The following ZNF438 variants were observed in gnomAD, a reference collection of about 807,000 sequenced individuals.
ZNF438 encodes the protein zinc finger protein 438.
ZNF438 carries 25 observed loss-of-function variants against 38.0 expected under a neutral mutation model. The observed-to-expected ratio is 0.66, with a 90% confidence interval of 0.48 to 0.92. The LOEUF (loss-of-function observed/expected upper bound fraction) is 0.92, where lower values mean the gene tolerates loss of function less well. Among genes scored for constraint, ZNF438 ranks in the 40% least tolerant of loss-of-function variants. The pLI is 0.00. For missense variants in ZNF438, 1,007 were observed against 999.6 expected (o/e 1.01, Z -0.10); for synonymous variants, 372 against 364.1 (o/e 1.02, Z -0.25).
intron 1 of ZNF438, among the ~76,000 whole-genome samples, chr10:30,998,265 G>C (rs1342739539): frequency 1.3e-5 from 2 of 151,998 alleles, no homozygotes; most frequent in African/African-American, 4.8e-5. Context: ...TATTGGCTGG[G>C]CGCAGTGGCT....
intron 1 of ZNF438, among the ~76,000 whole-genome samples, chr10:30,987,228 G>C (rs2052918996): frequency 6.6e-6 from 1 of 151,740 alleles, no homozygotes; most frequent in Admixed American, 6.6e-5. Flanking sequence ...GACGAGATGG[G>C]AGGATTGCTT....
At chr10:30,925,012 C>T (rs553856740) in intron 2 of ZNF438, among the ~76,000 whole-genome samples, 53 of 152,216 alleles carry the variant, frequency 3.5e-4, no homozygotes, top group African/African-American at 9.4e-4. Context: ...TCTATAGAAA[C>T]GCAATTGGGT....
rs933581203 is a variant in ZNF438 at position 30,887,441 on chromosome 10, C to T, written c.-31-10376G>A. On this transcript the variant is annotated intron_variant, in intron 3 of 5. Coordinates refer to ENST00000413025, the Ensembl canonical transcript of ZNF438. ...AGGCTGGAGTGCAGTGGTGAGGTCT[C>T]GGCTCACTGTACTCCAGCCCAGATT... 5.9e-5 allele frequency among the ~76,000 whole-genome samples: 9 copies of T among 151,954 alleles called. No homozygotes were observed. In the East Asian group the frequency reaches 9.7e-4, roughly 16 times the overall value.
intron 1 of ZNF438, among the ~76,000 whole-genome samples, chr10:30,977,308 C>T (rs761971926): frequency 6.6e-6 from 1 of 152,130 alleles, no homozygotes; most frequent in Non-Finnish European, 1.5e-5. Flanking sequence ...AAACTTTCTG[C>T]CATAACAAAG....
intron 1 of ZNF438, among the ~76,000 whole-genome samples, chr10:30,961,812 C>T (rs1367220920): frequency 2.1e-5 from 3 of 142,468 alleles, no homozygotes; most frequent in East Asian, 2.0e-4. Flanking sequence ...CGCTTGAACC[C>T]GGGAGGTGGA....
chr10:30,864,193 T>G (rs768869063), intron 4 of ZNF438, among the ~76,000 whole-genome samples: 2 of 152,196 alleles, frequency 1.3e-5, no homozygotes, highest in Non-Finnish European at 2.9e-5. Flanking sequence ...TATAAAAACC[T>G]TTTCTGTGAT....
At chr10:30,988,080 T>C (rs560577162) in intron 1 of ZNF438, among the ~76,000 whole-genome samples, 1 of 152,300 alleles carries the variant, frequency 6.6e-6, no homozygotes, top group South Asian at 2.1e-4. Context: ...ATTTGACAAG[T>C]TTGTCATAAA....
intron 1 of ZNF438, among the ~76,000 whole-genome samples, chr10:31,023,396 A>G (rs985180634): frequency 8.5e-5 from 13 of 152,228 alleles, no homozygotes; most frequent in Non-Finnish European, 1.5e-4. Flanking sequence ...AAGCATTAAT[A>G]TATTTCCACA....
At chr10:30,948,278 G>A (rs1047202188) in intron 1 of ZNF438, among the ~76,000 whole-genome samples, 9 of 152,096 alleles carry the variant, frequency 5.9e-5, no homozygotes, top group Non-Finnish European at 1.0e-4. Flanking sequence ...ACCAAAAGTA[G>A]ATAAAACCAC....
chr10:30,999,067 T>C (rs2054374121), intron 1 of ZNF438, among the ~76,000 whole-genome samples: 2 of 152,060 alleles, frequency 1.3e-5, no homozygotes, highest in Admixed American at 1.3e-4. Flanking sequence ...AACACTAGAA[T>C]TGTGCTCTTA....
At chr10:30,852,930 A>C (rs1408092754) in intron 4 of ZNF438, among the ~76,000 whole-genome samples, 3 of 152,018 alleles carry the variant, frequency 2.0e-5, no homozygotes, top group African/African-American at 7.2e-5. Flanking sequence ...ATAGCCTTTA[A>C]ATTTAAATGT....
intron 1 of ZNF438, among the ~76,000 whole-genome samples, chr10:30,987,949 T>C (rs1187516533): frequency 6.6e-6 from 1 of 152,210 alleles, no homozygotes; most frequent in African/African-American, 2.4e-5. Flanking sequence ...GCGAACTTAC[T>C]TTTTTACTTA....
At chr10:31,003,964 T>G (rs1810096531) in intron 1 of ZNF438, among the ~76,000 whole-genome samples, 1 of 152,158 alleles carries the variant, frequency 6.6e-6, no homozygotes, top group South Asian at 2.1e-4. Context: ...CACATTAAAT[T>G]TGCAATGCCT....
intron 1 of ZNF438, among the ~76,000 whole-genome samples, chr10:31,006,260 C>T (rs971328058): frequency 6.6e-6 from 1 of 152,084 alleles, no homozygotes; most frequent in African/African-American, 2.4e-5. Context: ...TTGGGACGTT[C>T]AGTGACACCC....
chr10:31,028,059 A>T (rs1376341982), intron 1 of ZNF438, among the ~76,000 whole-genome samples: 3 of 151,994 alleles, frequency 2.0e-5, no homozygotes, highest in Non-Finnish European at 4.4e-5. Flanking sequence ...TCTAGTCTCC[A>T]TGTTCTACAA....
intron 1 of ZNF438, among the ~76,000 whole-genome samples, chr10:31,004,629 G>A (rs1049821455): frequency 2.6e-5 from 4 of 152,276 alleles, no homozygotes; most frequent in South Asian, 4.1e-4. Context: ...GCTGCTGAGC[G>A]TATCATTAAA....
chr10:31,020,673 T>C (rs1186816404), intron 1 of ZNF438, among the ~76,000 whole-genome samples: 2 of 151,462 alleles, frequency 1.3e-5, no homozygotes, highest in East Asian at 3.9e-4. Flanking sequence ...AGTATAAATT[T>C]ATAAAGTTTA....
intron 1 of ZNF438, among the ~76,000 whole-genome samples, chr10:30,962,174 G>C (rs1020869163): frequency 6.8e-6 from 1 of 146,898 alleles, no homozygotes; most frequent in Non-Finnish European, 1.5e-5. Flanking sequence ...AACTATAGAA[G>C]ATACAGATAG....
At chr10:30,965,130 TAAAC>T (rs964498659) in intron 1 of ZNF438, among the ~76,000 whole-genome samples, 5 of 152,064 alleles carry the variant, frequency 3.3e-5, no homozygotes, top group Non-Finnish European at 5.9e-5. Flanking sequence ...GCAAAGGACA[TAAAC>T]AAACACTTCT....
Sources: gnomAD v4.1 joint callset for allele counts (sites outside exome capture counted in the v4.1 genomes callset) on GRCh38, gnomAD v4.1.1 for gene constraint, MANE v1.5 for transcripts, NCBI Gene and HGNC (gene_info 2026-07-23, HGNC 2026-07-21) for gene names.